The following ZFYVE1 variants were observed in gnomAD, a reference collection of about 807,000 sequenced individuals.
ZFYVE1 encodes the protein zinc finger FYVE-type containing 1.
ZFYVE1 carries 30 observed loss-of-function variants against 74.4 expected under a neutral mutation model. That is an observed-to-expected ratio of 0.40 (90% CI 0.30 to 0.55). ZFYVE1 has a LOEUF of 0.55. Among genes scored for constraint, ZFYVE1 ranks in the 20% least tolerant of loss-of-function variants. ZFYVE1 has a pLI of 0.42. For missense variants in ZFYVE1, 703 were observed against 1,011.6 expected (o/e 0.69, Z 4.14); for synonymous variants, 335 against 385.1 (o/e 0.87, Z 1.52).
rs1487026853 is a variant in ZFYVE1 at position 72,978,365 on chromosome 14, G to A, written c.1420-131C>T. 63 of 788,250 alleles carry A rather than the reference G, an allele frequency of 8.0e-5. No homozygotes were observed. The East Asian group carries it at 1.4e-3, about 18-fold the overall frequency. The allele number at this position is 788,250 out of a possible 1,614,324, so 48.8% of individuals were successfully genotyped here. On this transcript the variant is annotated intron_variant, in intron 6 of 11. Coordinates refer to ENST00000556143, the MANE Select transcript of ZFYVE1 (RefSeq NM_021260.4). ...GCAATCTGCCCGATCTCAGGAGTTC[G>A]AGATCAGCCTGGCCAACATGGTGAA...
At chr14:73,017,112 G>A (rs1042639426) in intron 2 of ZFYVE1, among the ~76,000 whole-genome samples, 1 of 151,946 alleles carries the variant, frequency 6.6e-6, no homozygotes, top group Non-Finnish European at 1.5e-5. Context: ...TCATAGTAAG[G>A]CCCTGTCTCA....
At position 73,026,982 on chromosome 14, in the gene ZFYVE1, G is replaced by A. The variant is rs1894478098; in HGVS notation, c.-491C>T. 2.5e-6 allele frequency: 1 copy of A among 398,716 alleles called. No individual in the cohort carries two copies. The highest frequency in any genetic ancestry group is 4.4e-6 in the Non-Finnish European group (1 of 226,298). The allele number at this position is 398,716 out of a possible 1,614,324, so 24.7% of individuals were successfully genotyped here. A position where few individuals can be genotyped will look rare whatever the true frequency, so the allele number is the denominator to read the frequency against. On this transcript the variant is annotated 5_prime_UTR_variant, in exon 1 of 12. Coordinates refer to ENST00000556143, the MANE Select transcript of ZFYVE1 (RefSeq NM_021260.4). ...TCGGGGGGCCGCAGGGCGCCAGTGGGGGCAGAGGCTATTCCTCAGGACACC... is the reference window on the plus strand; with the variant it reads ...TCGGGGGGCCGCAGGGCGCCAGTGGAGGCAGAGGCTATTCCTCAGGACACC...
At chr14:72,985,146 C>A (rs1893441872) in intron 4 of ZFYVE1, among the ~76,000 whole-genome samples, 1 of 152,164 alleles carries the variant, frequency 6.6e-6, no homozygotes, top group Admixed American at 6.5e-5. Flanking sequence ...TCTGAAGACA[C>A]CTGATGGGAA....
At chr14:73,006,822 T>C in intron 2 of ZFYVE1, among the ~76,000 whole-genome samples, 1 of 150,000 alleles carries the variant, frequency 6.7e-6, no homozygotes, top group Non-Finnish European at 1.5e-5. Flanking sequence ...TTCAAGCGAT[T>C]ATCCTGCCTC....
intron 4 of ZFYVE1, among the ~76,000 whole-genome samples, chr14:72,990,947 A>T (rs1594843499): frequency 6.6e-6 from 1 of 151,060 alleles, no homozygotes; most frequent in Non-Finnish European, 1.5e-5. Flanking sequence ...TGACCTGCCC[A>T]CCTCCGCCTC....
intron 2 of ZFYVE1, among the ~76,000 whole-genome samples, chr14:73,000,682 C>T (rs577507037): frequency 2.0e-5 from 3 of 151,728 alleles, no homozygotes; most frequent in African/African-American, 7.3e-5. Context: ...CTGGTGGGAA[C>T]GTAAAATCAC....
chr14:73,022,780 A>G (rs551802937), intron 2 of ZFYVE1, among the ~76,000 whole-genome samples: 2 of 152,204 alleles, frequency 1.3e-5, no homozygotes, highest in African/African-American at 4.8e-5. Flanking sequence ...CAACACTACC[A>G]TCTCCCCAAC....
At chr14:73,023,356 A>ATGTT (rs1215880110) in intron 2 of ZFYVE1, among the ~76,000 whole-genome samples, 2 of 61,048 alleles carry the variant, frequency 3.3e-5, no homozygotes, top group Non-Finnish European at 3.4e-5. Context: ...TATAATATAT[A>ATGTT]TTATATATGT....
intron 11 of ZFYVE1, among the ~76,000 whole-genome samples, chr14:72,971,749 A>G (rs1893039625): frequency 6.6e-6 from 1 of 152,068 alleles, no homozygotes; most frequent in Admixed American, 6.6e-5. Context: ...GATTATAGGC[A>G]TGCACCCCCA....
At chr14:72,980,473 A>G (rs919402540) in intron 5 of ZFYVE1, among the ~76,000 whole-genome samples, 1 of 152,210 alleles carries the variant, frequency 6.6e-6, no homozygotes, top group African/African-American at 2.4e-5. Context: ...CAACAGTTCA[A>G]ACTAATCCAG....
chr14:73,020,741 C>A (rs536238900), intron 2 of ZFYVE1, among the ~76,000 whole-genome samples: 11 of 152,282 alleles, frequency 7.2e-5, no homozygotes, highest in African/African-American at 2.6e-4. Context: ...CTTTGGGAAG[C>A]CAGGGTAGGA....
At chr14:72,973,519 A>G (rs1893089953) in intron 11 of ZFYVE1, among the ~76,000 whole-genome samples, 1 of 151,766 alleles carries the variant, frequency 6.6e-6, no homozygotes, top group South Asian at 2.1e-4. Flanking sequence ...AAACAAAAAA[A>G]AAGAGATGGG....
At chr14:73,016,073 T>A (rs1274013553) in intron 2 of ZFYVE1, among the ~76,000 whole-genome samples, 4 of 152,274 alleles carry the variant, frequency 2.6e-5, no homozygotes, top group Admixed American at 2.0e-4. Flanking sequence ...GATGGGAAAA[T>A]TCTATCCTCT....
At chr14:73,023,911 C>A (rs1266163291) in intron 2 of ZFYVE1, 115 bp downstream of exon 2, 2 of 1,438,684 alleles carry the variant, frequency 1.4e-6, no homozygotes, top group African/African-American at 2.8e-5. Context: ...CTCCAGAGGT[C>A]TTGCCTTTTA....
chr14:73,004,679 T>C (rs1893940365), intron 2 of ZFYVE1, among the ~76,000 whole-genome samples: 1 of 152,060 alleles, frequency 6.6e-6, no homozygotes, highest in Non-Finnish European at 1.5e-5. Flanking sequence ...TCCCTTAACG[T>C]GCACCGACTG....
chr14:73,025,486 AG>A (rs1398276087), intron 1 of ZFYVE1, among the ~76,000 whole-genome samples: 6 of 151,860 alleles, frequency 4.0e-5, no homozygotes, highest in Non-Finnish European at 7.4e-5. Context: ...ACTTGAGGTC[AG>A]GAGTTCGAGA....
intron 11 of ZFYVE1, among the ~76,000 whole-genome samples, chr14:72,971,344 A>G (rs1310481723): frequency 1.3e-5 from 2 of 152,018 alleles, no homozygotes; most frequent in Non-Finnish European, 2.9e-5. Context: ...CACATTTTTT[A>G]AGATTTTTTG....
At chr14:72,984,423 G>A (rs1893424580) in intron 4 of ZFYVE1, among the ~76,000 whole-genome samples, 1 of 152,022 alleles carries the variant, frequency 6.6e-6, no homozygotes, top group African/African-American at 2.4e-5. Flanking sequence ...CAGCTACTCA[G>A]GAGACTGAGG....
chr14:73,012,483 G>A (rs1438717502), intron 2 of ZFYVE1, among the ~76,000 whole-genome samples: 1 of 152,124 alleles, frequency 6.6e-6, no homozygotes, highest in African/African-American at 2.4e-5. Flanking sequence ...TTAGCTGGAC[G>A]TAGTGGTGTG....
Sources: gnomAD v4.1 joint callset for allele counts (sites outside exome capture counted in the v4.1 genomes callset) on GRCh38, gnomAD v4.1.1 for gene constraint, MANE v1.5 for transcripts, NCBI Gene and HGNC (gene_info 2026-07-23, HGNC 2026-07-21) for gene names.